Variants in ITPRID1 observed in about 807,000 individuals in gnomAD.
ITPRID1 encodes protein ITPRID1.
In ITPRID1, 96 loss-of-function variants were observed where a neutral mutation model predicts 95.4. That is an observed-to-expected ratio of 1.01 (90% CI 0.85 to 1.19). ITPRID1 has a LOEUF of 1.19. ITPRID1 is among the 50% of genes most tolerant of loss of function. The pLI is 0.00. For synonymous variants in ITPRID1, 510 were observed against 453.6 expected (o/e 1.12, Z -1.58); for missense variants, 1,339 against 1,252.9 (o/e 1.07, Z -1.04).
chr7:31,578,386 C>T lies in ITPRID1; in HGVS notation c.1122C>T (p.Ser374=), dbSNP rs1328996401. The change falls in exon 9 of 15, where the codon AGC becomes AGT. Residue 374 remains serine, a synonymous_variant. Coordinates refer to ENST00000615280, the MANE Select transcript of ITPRID1 (RefSeq NM_001257967.3). ...TATTTCAGACTAACAAGCTCAAGAGCTTGTCTCATCTTGCAGGCAAAGGAC... is the reference window on the plus strand; with the variant it reads ...TATTTCAGACTAACAAGCTCAAGAGTTTGTCTCATCTTGCAGGCAAAGGAC... ...ENLFQTNKLK[S]LSHLAGKGPD... is the part of the protein sequence containing the mutation. The T allele has an allele frequency of 2.5e-6, 4 of 1,613,114 alleles. No homozygotes were observed. The highest frequency in any genetic ancestry group is 3.4e-6 in the Non-Finnish European group (4 of 1,179,442).
intron 10 of ITPRID1, among the ~76,000 whole-genome samples, chr7:31,601,280 G>C (rs1786382467): frequency 6.6e-6 from 1 of 152,210 alleles, no homozygotes; most frequent in South Asian, 2.1e-4. Context: ...TTTATTGAAT[G>C]AGTACTTACT....
intron 1 of ITPRID1, among the ~76,000 whole-genome samples, chr7:31,514,544 C>T (rs1403131466): frequency 1.2e-4 from 18 of 152,060 alleles, no homozygotes. Flanking sequence ...GTTTTGAGAG[C>T]TAGCCAATTC....
intron 10 of ITPRID1, among the ~76,000 whole-genome samples, chr7:31,595,372 A>ACT (rs1491057727): frequency 4.2e-5 from 6 of 142,454 alleles, no homozygotes; most frequent in African/African-American, 1.3e-4. Context: ...ACACACACAC[A>ACT]CTGTATGAGC....
intron 1 of ITPRID1, among the ~76,000 whole-genome samples, chr7:31,524,700 A>T (rs552116851): frequency 6.6e-6 from 1 of 152,304 alleles, no homozygotes; most frequent in Non-Finnish European, 1.5e-5. Flanking sequence ...TGCAGCCCAT[A>T]AGCTTTTTTA....
chr7:31,613,454 C>G (rs1786973858), intron 10 of ITPRID1, among the ~76,000 whole-genome samples: 1 of 152,026 alleles, frequency 6.6e-6, no homozygotes, highest in South Asian at 2.1e-4. Flanking sequence ...CTCTCTTTGT[C>G]TTTTTAATAA....
intron 10 of ITPRID1, among the ~76,000 whole-genome samples, chr7:31,614,525 A>G (rs1787028697): frequency 6.6e-6 from 1 of 152,208 alleles, no homozygotes. Context: ...TAATAGGTAT[A>G]TATACTCCAT....
rs1208928979 is a variant in ITPRID1 at position 31,554,497 on chromosome 7, T to C, written c.186T>C (p.Ile62=). ...PMLEDSKQES[I]QQWLDSGFFV... ...TAGAAGATTCCAAGCAAGAAAGTAT[T>C]CAGCAGTGGCTGGACTCTGGATTCT... is the stretch of plus-strand genomic sequence containing the variant. Residue 62 remains isoleucine (I), a synonymous_variant, in exon 4 of 15, where the codon ATT becomes ATC. Transcript: ENST00000615280. 1.9e-6 allele frequency: 3 copies of C among 1,613,074 alleles called. No homozygotes were observed. Among genetic ancestry groups the C allele is most frequent in the African/African-American group, 2.7e-5 (2 of 75,042 alleles).
chr7:31,642,427 G>A (rs1790105476), intron 11 of ITPRID1, among the ~76,000 whole-genome samples, 169 bp downstream of exon 11: 1 of 152,162 alleles, frequency 6.6e-6, no homozygotes. Flanking sequence ...TGCACCCAAG[G>A]GGCAGAGGAT....
chr7:31,631,824 G>GA (rs1336035530), intron 10 of ITPRID1, among the ~76,000 whole-genome samples: 1 of 152,180 alleles, frequency 6.6e-6, no homozygotes, highest in African/African-American at 2.4e-5. Context: ...TTTTGGCATA[G>GA]AAAAATAATT....
chr7:31,559,667 A>G (rs1784564880), intron 5 of ITPRID1, among the ~76,000 whole-genome samples: 1 of 151,956 alleles, frequency 6.6e-6, no homozygotes, highest in Non-Finnish European at 1.5e-5. Context: ...TCTGTCTCAG[A>G]AAAAAAAGAA....
chr7:31,632,866 T>TTTTA (rs914788638), intron 10 of ITPRID1, among the ~76,000 whole-genome samples: 6 of 152,074 alleles, frequency 3.9e-5, no homozygotes, highest in South Asian at 2.1e-4. Flanking sequence ...AGATTTTTAT[T>TTTTA]TTTATTTATT....
intron 1 of ITPRID1, among the ~76,000 whole-genome samples, chr7:31,519,793 A>T (rs1392697178): frequency 6.6e-6 from 1 of 151,542 alleles, no homozygotes; most frequent in Non-Finnish European, 1.5e-5. Flanking sequence ...TTAATTTTTT[A>T]ATAGTTTTCA....
At chr7:31,643,977 TG>T in intron 12 of ITPRID1, 24 bp downstream of exon 12, 1 of 1,575,062 alleles carries the variant, frequency 6.3e-7, no homozygotes, top group South Asian at 1.2e-5. Context: ...CTGGCAAAGA[TG>T]GAAAGGCAGA....
chr7:31,523,023 A>G (rs1310551272), intron 1 of ITPRID1, among the ~76,000 whole-genome samples: 1 of 152,190 alleles, frequency 6.6e-6, no homozygotes, highest in Admixed American at 6.5e-5. Context: ...TGCAATGTAG[A>G]TAGTGAGTTT....
At chr7:31,541,237 C>A (rs747218364) in intron 1 of ITPRID1, among the ~76,000 whole-genome samples, 1 of 152,256 alleles carries the variant, frequency 6.6e-6, no homozygotes, top group African/African-American at 2.4e-5. Flanking sequence ...AAGATCACTC[C>A]AGTCTCCTAT....
chr7:31,530,175 A>T (rs1783550808), intron 1 of ITPRID1, among the ~76,000 whole-genome samples: 1 of 152,222 alleles, frequency 6.6e-6, no homozygotes, highest in African/African-American at 2.4e-5. Flanking sequence ...TACTAGTTCA[A>T]GCAATGTTTC....
intron 10 of ITPRID1, among the ~76,000 whole-genome samples, chr7:31,621,639 A>C (rs1346047537): frequency 6.7e-6 from 1 of 149,036 alleles, no homozygotes; most frequent in Non-Finnish European, 1.5e-5. Context: ...CTGGTACCAG[A>C]CACTGCAAAA....
rs1790134045 is a variant in ITPRID1 at position 31,642,703 on chromosome 7, CAG to C, written c.1336_1337del (p.Pro447CysfsTer2). 1.2e-6 allele frequency: 2 copies of C among 1,613,770 alleles called. No homozygotes were observed. Among genetic ancestry groups the C allele is most frequent in the Non-Finnish European group, 1.7e-6 (2 of 1,179,744 alleles). On this transcript the variant is annotated frameshift_variant, in exon 12 of 15. Transcript: ENST00000615280. LOFTEE classifies it high-confidence loss of function. ...PLQMPSLPNSQSPAENGGRKP... is the reference protein window; with the variant it reads ...PLQMPSLPNSXSPAENGGRKP... ...ACAGATGCCTTCCTTGCCAAACAGC[CAG>C]AGTCCTGCTGAGAATGGAGGTAGAA... is the stretch of plus-strand genomic sequence containing the variant.
intron 1 of ITPRID1, among the ~76,000 whole-genome samples, chr7:31,538,324 T>C (rs968568349): frequency 1.3e-5 from 2 of 152,214 alleles, no homozygotes; most frequent in Admixed American, 1.3e-4. Context: ...ATAATGCTCT[T>C]TTTCCCCTAA....
Sources: allele counts gnomAD v4.1 joint callset (sites outside exome capture counted in the v4.1 genomes callset), GRCh38; gene constraint gnomAD v4.1.1; transcripts MANE v1.5; gene names NCBI Gene and HGNC (gene_info 2026-07-23, HGNC 2026-07-21).